ASXL2: variants seen among roughly 807,000 people sequenced by gnomAD.
The protein encoded by ASXL2 is ASXL transcriptional regulator 2, also known as putative Polycomb group protein ASXL2.
Under a neutral mutation model 122.0 loss-of-function variants are expected in ASXL2, and 23 were observed. The observed-to-expected ratio is 0.19, with a 90% CI of 0.14 to 0.27. The LOEUF (loss-of-function observed/expected upper bound fraction) is 0.27, where lower values mean the gene tolerates loss of function less well. Ranked by LOEUF, ASXL2 falls within the 10% of genes least tolerant of loss-of-function variation. The pLI, the probability that ASXL2 is intolerant of heterozygous loss-of-function variation, is 1.00. For synonymous variants in ASXL2, 650 were observed against 637.0 expected, an observed-to-expected ratio of 1.02 and a Z score of -0.31; for missense variants, 1,518 against 1,713.8, an observed-to-expected ratio of 0.89 and a Z score of 2.02.
intron 1 of ASXL2, among the ~76,000 whole-genome samples, chr2:25,851,897 C>CAA (rs1416542028): frequency 2.0e-5 from 3 of 151,282 alleles, no homozygotes; most frequent in African/African-American, 7.3e-5. Context: ...CCTCCCCCAC[C>CAA]AAAAAAAGAA....
At chr2:25,856,597 C>T in intron 1 of ASXL2, 4 of 1,215,710 alleles carry the variant, frequency 3.3e-6, no homozygotes, top group Non-Finnish European at 4.9e-6. Context: ...TTGATCTGTC[C>T]TGTGCAGAGC....
intron 3 of ASXL2, among the ~76,000 whole-genome samples, chr2:25,831,618 C>T (rs1048372961): frequency 1.3e-5 from 2 of 152,078 alleles, no homozygotes; most frequent in Non-Finnish European, 2.9e-5. Flanking sequence ...CGCACCACTG[C>T]ACTCCAGCCT....
chr2:25,829,289 TAC>T (rs148405440), intron 3 of ASXL2, among the ~76,000 whole-genome samples: 216 of 144,912 alleles, frequency 1.5e-3, no homozygotes, highest in African/African-American at 2.6e-3. Flanking sequence ...CACATACACA[TAC>T]ACACACACAC....
intron 2 of ASXL2, among the ~76,000 whole-genome samples, chr2:25,838,037 TG>T (rs1388279196): frequency 2.0e-5 from 3 of 151,462 alleles, no homozygotes; most frequent in Non-Finnish European, 4.4e-5. Flanking sequence ...AAGTCAAGGC[TG>T]CGGTGAGCCA....
chr2:25,839,879 C>T (rs999342022), intron 2 of ASXL2, among the ~76,000 whole-genome samples: 1 of 150,882 alleles, frequency 6.6e-6, no homozygotes, highest in African/African-American at 2.4e-5. Flanking sequence ...GCTTGCACTA[C>T]CATGTTTTCT....
At chr2:25,804,605 G>A (rs1269465114) in intron 4 of ASXL2, among the ~76,000 whole-genome samples, 1 of 152,222 alleles carries the variant, frequency 6.6e-6, no homozygotes, top group Non-Finnish European at 1.5e-5. Flanking sequence ...TGTCAACTGA[G>A]TTCCTGGATC....
intron 1 of ASXL2, among the ~76,000 whole-genome samples, chr2:25,870,203 C>T (rs956880589): frequency 1.3e-5 from 2 of 152,082 alleles, no homozygotes; most frequent in Non-Finnish European, 2.9e-5. Context: ...TAGTCAGCCC[C>T]CATCTGTACA....
intron 11 of ASXL2, among the ~76,000 whole-genome samples, chr2:25,750,747 T>C (rs1457014367): frequency 1.3e-5 from 2 of 152,234 alleles, no homozygotes. Flanking sequence ...TAACACATAA[T>C]GAAAGTTCAG....
chr2:25,762,543 T>G (rs1262944621), intron 8 of ASXL2, among the ~76,000 whole-genome samples: 1 of 150,898 alleles, frequency 6.6e-6, no homozygotes, highest in African/African-American at 2.4e-5. Flanking sequence ...CGGGTCCCTG[T>G]AATCCCAGCT....
intron 5 of ASXL2, among the ~76,000 whole-genome samples, chr2:25,786,835 A>C (rs1224425122): frequency 6.6e-6 from 1 of 152,124 alleles, no homozygotes; most frequent in African/African-American, 2.4e-5. Flanking sequence ...AGCCTAGGTG[A>C]CAGAGAGAGA....
chr2:25,750,705 ATAAT>A (rs1200048176), intron 11 of ASXL2, among the ~76,000 whole-genome samples: 2 of 152,210 alleles, frequency 1.3e-5, no homozygotes, highest in African/African-American at 4.8e-5. Context: ...TGTTGCTATG[ATAAT>A]TAAGTTAATC....
chr2:25,857,051 T>A (rs1205413836), intron 1 of ASXL2: 1 of 136,350 alleles, frequency 7.3e-6, no homozygotes, highest in African/African-American at 2.8e-5. Flanking sequence ...TAGCAATTTA[T>A]CATCATTGTG....
chr2:25,753,849 T>C (rs1024413713), intron 10 of ASXL2, among the ~76,000 whole-genome samples: 1 of 152,226 alleles, frequency 6.6e-6, no homozygotes, highest in African/African-American at 2.4e-5. Context: ...TAGCTTTCAG[T>C]ACTCAGCTGA....
chr2:25,771,319 G>T, intron 6 of ASXL2, 121 bp downstream of exon 6: 1 of 782,494 alleles, frequency 1.3e-6, no homozygotes, highest in Non-Finnish European at 2.0e-6. Context: ...GCTACTGCAT[G>T]AAAGTTCCAC....
At chr2:25,810,363 G>A in intron 3 of ASXL2, 1 of 660,684 alleles carries the variant, frequency 1.5e-6, no homozygotes, top group Non-Finnish European at 2.8e-6. Flanking sequence ...CATCTTTTAA[G>A]GTCCAGTTTT....
At chr2:25,777,274 A>G (rs1296380581) in intron 5 of ASXL2, among the ~76,000 whole-genome samples, 1 of 151,890 alleles carries the variant, frequency 6.6e-6, no homozygotes, top group East Asian at 1.9e-4. Context: ...TTTTTTTTTA[A>G]AAGATGGGGT....
chr2:25,862,910 C>T (rs758333553), intron 1 of ASXL2, among the ~76,000 whole-genome samples: 18 of 151,962 alleles, frequency 1.2e-4, no homozygotes, highest in African/African-American at 3.6e-4. Context: ...CCAGCCAAAA[C>T]GTAAGATTTT....
chr2:25,756,656 A>T (rs765321621), intron 9 of ASXL2, among the ~76,000 whole-genome samples: 45 of 152,228 alleles, frequency 3.0e-4, no homozygotes, highest in Non-Finnish European at 4.7e-4. Context: ...CTACAGCAGA[A>T]ATTGGTAAAC....
intron 3 of ASXL2, among the ~76,000 whole-genome samples, chr2:25,828,520 A>AG (rs2089406277): frequency 7.5e-6 from 1 of 133,270 alleles, no homozygotes; most frequent in African/African-American, 2.8e-5. Flanking sequence ...AAAAAAAAAA[A>AG]TAAAAAGAAA....
Sources: allele counts gnomAD v4.1 joint callset (sites outside exome capture counted in the v4.1 genomes callset), GRCh38; gene constraint gnomAD v4.1.1; transcripts MANE v1.5; gene names NCBI Gene and HGNC (gene_info 2026-07-23, HGNC 2026-07-21).